The following ZFYVE9 variants were observed in gnomAD, a reference collection of about 807,000 sequenced individuals.
The protein encoded by ZFYVE9 is zinc finger FYVE domain-containing protein 9.
Under a neutral mutation model 126.7 loss-of-function variants are expected in ZFYVE9, and 43 were observed. That is an observed-to-expected ratio of 0.34 (90% confidence interval 0.27 to 0.44). ZFYVE9 has a LOEUF of 0.44. ZFYVE9 is among the 20% of genes least tolerant of loss of function. The pLI, the probability that ZFYVE9 is intolerant of heterozygous loss-of-function variation, is 1.00. For synonymous variants in ZFYVE9, 521 were observed against 597.4 expected (o/e 0.87, Z 1.87); for missense variants, 1,476 against 1,697.0 (o/e 0.87, Z 2.29).
intron 1 of ZFYVE9, among the ~76,000 whole-genome samples, chr1:52,177,940 T>G (rs1557439935): frequency 1.4e-5 from 2 of 139,874 alleles, no homozygotes; most frequent in East Asian, 4.0e-4. Flanking sequence ...TGAAAAGTAG[T>G]TTTGTTTTTT....
At chr1:52,260,401 T>C (rs1645566999) in intron 4 of ZFYVE9, among the ~76,000 whole-genome samples, 1 of 152,186 alleles carries the variant, frequency 6.6e-6, no homozygotes, top group Non-Finnish European at 1.5e-5. Context: ...CATAAATTAA[T>C]TTTTTTGTAA....
chr1:52,268,009 A>G (rs1167878888), intron 6 of ZFYVE9, among the ~76,000 whole-genome samples: 1 of 152,176 alleles, frequency 6.6e-6, no homozygotes, highest in Admixed American at 6.5e-5. Flanking sequence ...TCTTCAGGGC[A>G]TCTTTTGCCC....
chr1:52,283,921 T>G (rs1341619792), intron 10 of ZFYVE9, among the ~76,000 whole-genome samples: 1 of 152,128 alleles, frequency 6.6e-6, no homozygotes, highest in Non-Finnish European at 1.5e-5. Flanking sequence ...AATTAAGAAA[T>G]TATCAGGATT....
chr1:52,238,622 G>C lies in ZFYVE9; in HGVS notation c.1205G>C (p.Trp402Ser). Residue 402 changes from tryptophan (W) to serine (S), a missense_variant, in exon 4 of 19, where the codon TGG (tryptophan) becomes TCG (serine). This residue lies in a region of ZFYVE9 where 807 missense variants were observed against 794.6 expected (regional missense o/e 1.02). Coordinates refer to ENST00000287727, the MANE Select transcript of ZFYVE9 (RefSeq NM_004799.4). The stretch of plus-strand genomic sequence containing the variant: ...TCTGAATCTCAGGACATGACTAATT[G>C]GAAGTTGACTAAACTAAATGAGATG... ...HFSESQDMTN[W>S]KLTKLNEMND... The C allele has an allele frequency of 6.2e-7, 1 of 1,613,982 alleles. No individual in the cohort carries two copies. The highest frequency in any genetic ancestry group is 1.1e-5 in the South Asian group (1 of 91,036).
chr1:52,312,301 A>G (rs1032008888), intron 13 of ZFYVE9, among the ~76,000 whole-genome samples: 6 of 152,218 alleles, frequency 3.9e-5, no homozygotes, highest in Non-Finnish European at 7.3e-5. Flanking sequence ...AAGGAAAAGA[A>G]GACTATAAAG....
At chr1:52,143,226 ATTTT>A (rs1644277720) in intron 1 of ZFYVE9, among the ~76,000 whole-genome samples, 1 of 152,202 alleles carries the variant, frequency 6.6e-6, no homozygotes, top group Admixed American at 6.5e-5. Flanking sequence ...TGGCAAAAGG[ATTTT>A]AAGTCCTCTT....
chr1:52,290,482 C>T (rs141572521), intron 10 of ZFYVE9, among the ~76,000 whole-genome samples: 3 of 152,274 alleles, frequency 2.0e-5, no homozygotes, highest in African/African-American at 4.8e-5. Context: ...CTTTAATTCC[C>T]TATTCTCCTC....
At chr1:52,313,293 CAA>C (rs1283127934) in intron 13 of ZFYVE9, among the ~76,000 whole-genome samples, 1 of 152,142 alleles carries the variant, frequency 6.6e-6, no homozygotes, top group Non-Finnish European at 1.5e-5. Flanking sequence ...ATGATAAAAA[CAA>C]AAGATAATGG....
chr1:52,303,768 A>G, intron 12 of ZFYVE9, 53 bp from the exon 13 acceptor site: 1 of 1,141,990 alleles, frequency 8.8e-7, no homozygotes, highest in Non-Finnish European at 1.2e-6. Context: ...ACTATAAATT[A>G]AACCCTACCA....
Position 52,238,325 on chromosome 1 carries a change from A to C in ZFYVE9, c.908A>C (p.Asp303Ala), listed in dbSNP as rs1334090555. 1.9e-6 allele frequency: 3 copies of C among 1,613,734 alleles called. No individual in the cohort carries two copies. Among genetic ancestry groups the C allele is most frequent in the Middle Eastern group, 1.6e-4 (1 of 6,062 alleles). ...LTGKISSPRT[D>A]LGSPNSFSHM... ...GGCAAAATCAGCTCTCCTAGGACAG[A>C]TCTAGGGAGTCCAAATTCCTTTTCC... is the stretch of plus-strand genomic sequence containing the variant. Residue 303 changes from aspartate to alanine, a missense_variant, in exon 4 of 19, where the codon GAT (aspartate) becomes GCT (alanine). Asp to Ala is a moderately radical substitution (Grantham distance 126). Transcript: ENST00000287727.
intron 1 of ZFYVE9, among the ~76,000 whole-genome samples, chr1:52,153,284 A>G (rs191238912): frequency 2.6e-5 from 4 of 152,316 alleles, no homozygotes; most frequent in Admixed American, 2.6e-4. Context: ...AGCTCCTCCA[A>G]GGGAGGAAAT....
In ZFYVE9 at chr1:52,237,886, T is replaced by A. The variant is rs1296023607; in HGVS notation, c.469T>A (p.Cys157Ser). The change falls in exon 4 of 19, where the codon TGT becomes AGT. Residue 157 changes from cysteine (C) to serine (S), a missense_variant. Physicochemically the swap from Cys to Ser is moderately radical, Grantham distance 112. This residue lies in a region of ZFYVE9 where 807 missense variants were observed against 794.6 expected (regional missense o/e 1.02). Transcript: ENST00000287727. ...NVLVVAVMHN[C>S]DKRTLQNDLQ... Reference sequence around the variant, plus strand: ...TCTTGTTGTAGCCGTCATGCATAACTGTGATAAAAGGACATTACAAAACGA... The same window carrying A: ...TCTTGTTGTAGCCGTCATGCATAACAGTGATAAAAGGACATTACAAAACGA... 6.2e-7 allele frequency: 1 copy of A among 1,614,076 alleles called. No individual in the cohort carries two copies. The highest frequency in any genetic ancestry group is 1.7e-5 in the Admixed American group (1 of 60,004).
chr1:52,338,752 C>T (rs1485020370), intron 16 of ZFYVE9, among the ~76,000 whole-genome samples: 2 of 152,204 alleles, frequency 1.3e-5, no homozygotes, highest in African/African-American at 4.8e-5. Flanking sequence ...TGGCTCACGC[C>T]TGTAATCCCA....
intron 17 of ZFYVE9, among the ~76,000 whole-genome samples, chr1:52,342,506 G>T (rs1405266290): frequency 6.8e-6 from 1 of 147,584 alleles, no homozygotes; most frequent in East Asian, 2.0e-4. Context: ...TCCTGACCTC[G>T]CAATCCGCCC....
chr1:52,231,028 A>G (rs181094836), intron 2 of ZFYVE9, among the ~76,000 whole-genome samples: 17 of 152,286 alleles, frequency 1.1e-4, no homozygotes, highest in African/African-American at 3.8e-4. Context: ...GTTTACTAAT[A>G]TTTTTATAAT....
chr1:52,224,197 A>C (rs905673901), intron 2 of ZFYVE9, among the ~76,000 whole-genome samples: 1 of 151,990 alleles, frequency 6.6e-6, no homozygotes, highest in Non-Finnish European at 1.5e-5. Context: ...TTCCCATTGG[A>C]GCTTTCCTGA....
rs1461806561 is a variant in ZFYVE9 at position 52,297,783 on chromosome 1, C to T, written c.3333+1806C>T. ...TGTCGCCTGGGCTGGAGTGCAGTGG[C>T]ACGATCTCGGCTCACTGCAACCTCC... On this transcript the variant is annotated intron_variant, in intron 12 of 18. Transcript: ENST00000287727. Among the ~76,000 whole-genome samples, 3 of 151,686 alleles carry T rather than the reference C, an allele frequency of 2.0e-5. No individual in the cohort carries two copies. In the South Asian group the frequency reaches 6.2e-4, roughly 32 times the overall value.
At chr1:52,268,331 T>C in intron 6 of ZFYVE9, 132 bp from the exon 7 acceptor site, 2 of 839,828 alleles carry the variant, frequency 2.4e-6, no homozygotes, top group Non-Finnish European at 3.7e-6. Context: ...GTTACATTTC[T>C]GATGTTTCTG....
chr1:52,294,479 A>G (rs1645955053), intron 11 of ZFYVE9, among the ~76,000 whole-genome samples: 1 of 152,230 alleles, frequency 6.6e-6, no homozygotes, highest in Admixed American at 6.5e-5. Context: ...TTTATTCAGT[A>G]AGAATTTAAT....
Sources: allele counts gnomAD v4.1 joint callset (sites outside exome capture counted in the v4.1 genomes callset), GRCh38; gene constraint gnomAD v4.1.1; regional missense constraint gnomAD v4.1.1; transcripts MANE v1.5; gene names NCBI Gene and HGNC (gene_info 2026-07-23, HGNC 2026-07-21).